The following SLC41A3 variants were observed in gnomAD, a reference collection of about 807,000 sequenced individuals.
The protein encoded by SLC41A3 is SLC41A1-like 2.
A neutral mutation model predicts 45.4 loss-of-function variants in SLC41A3; 44 were observed. That is an observed-to-expected ratio of 0.97 (90% CI 0.76 to 1.25). The LOEUF is 1.25. Ranked by LOEUF, SLC41A3 falls within the 50% of genes most tolerant of loss-of-function variation. The pLI is 0.00. For synonymous variants in SLC41A3, 256 were observed against 252.4 expected (o/e 1.01, Z -0.13); for missense variants, 550 against 600.6 (o/e 0.92, Z 0.88).
intron 3 of SLC41A3, among the ~76,000 whole-genome samples, chr3:126,038,800 A>C (rs1942382529): frequency 6.6e-6 from 1 of 152,178 alleles, no homozygotes; most frequent in African/African-American, 2.4e-5. Flanking sequence ...CCAGGGAAAG[A>C]ATGATCTGGT....
At chr3:126,098,964 A>G (rs1330220961) in intron 1 of SLC41A3, among the ~76,000 whole-genome samples, 17 of 131,996 alleles carry the variant, frequency 1.3e-4, no homozygotes. Flanking sequence ...TTTTGTAGAG[A>G]CGAGGTTTTG....
intron 2 of SLC41A3, among the ~76,000 whole-genome samples, chr3:126,052,434 C>T (rs1016428808): frequency 1.3e-5 from 2 of 152,182 alleles, no homozygotes; most frequent in Admixed American, 1.3e-4. Context: ...AGACCCGGCA[C>T]CTACCAACCC....
chr3:126,080,637 C>T (rs780557741), intron 1 of SLC41A3, among the ~76,000 whole-genome samples: 14 of 152,276 alleles, frequency 9.2e-5, no homozygotes, highest in Non-Finnish European at 1.9e-4. Context: ...CTATGGAGAA[C>T]AGTATGGAAG....
chr3:126,088,027 G>C (rs1945427041), upstream of SLC41A3, among the ~76,000 whole-genome samples: 1 of 152,012 alleles, frequency 6.6e-6, no homozygotes, highest in Admixed American at 6.5e-5. Context: ...CACAAGCTCA[G>C]CTCTTTCTCT....
At chr3:126,048,715 T>C (rs192645262) in intron 3 of SLC41A3, among the ~76,000 whole-genome samples, 16 of 152,074 alleles carry the variant, frequency 1.1e-4, no homozygotes, top group Admixed American at 7.9e-4. Flanking sequence ...AACTAACAGA[T>C]GGAGATTGAA....
chr3:126,007,236 G>A lies in SLC41A3; in HGVS notation c.1255-11C>T. 1.2e-6 allele frequency: 2 copies of A among 1,612,920 alleles called. No individual in the cohort carries two copies. Among genetic ancestry groups the A allele is most frequent in the Non-Finnish European group, 1.7e-6 (2 of 1,179,338 alleles). On this transcript the variant is annotated splice_polypyrimidine_tract_variant and intron_variant, in intron 10 of 10. Coordinates refer to ENST00000360370, the MANE Select transcript of SLC41A3 (RefSeq NM_017836.4). ...CAGCAGGATTGTCACCTGTCAGAAG[G>A]GCAAAGAGACACAAAAGAAGACCAA...
intron 3 of SLC41A3, among the ~76,000 whole-genome samples, chr3:126,050,371 T>C (rs930093171): frequency 4.6e-5 from 7 of 152,090 alleles, no homozygotes; most frequent in African/African-American, 1.2e-4. Context: ...TTCTGTGTAG[T>C]AGAAGGGAAA....
chr3:126,093,253 GA>G (rs1261967389), intron 1 of SLC41A3, among the ~76,000 whole-genome samples: 3 of 152,158 alleles, frequency 2.0e-5, no homozygotes, highest in Admixed American at 2.0e-4. Flanking sequence ...CCAGATAGGG[GA>G]AAAAAGAAAA....
At chr3:126,093,589 A>G (rs1301672856) in intron 1 of SLC41A3, among the ~76,000 whole-genome samples, 1 of 152,262 alleles carries the variant, frequency 6.6e-6, no homozygotes, top group African/African-American at 2.4e-5. Flanking sequence ...TACTTTTAGG[A>G]AGGTCTAGTT....
chr3:126,071,920 G>T (rs1259892290), intron 1 of SLC41A3, among the ~76,000 whole-genome samples: 1 of 151,914 alleles, frequency 6.6e-6, no homozygotes, highest in Admixed American at 6.6e-5. Context: ...ACAGGTGTGT[G>T]CCACCATGCC....
At chr3:126,049,436 G>A (rs1943181184) in intron 3 of SLC41A3, among the ~76,000 whole-genome samples, 1 of 152,154 alleles carries the variant, frequency 6.6e-6, no homozygotes, top group Admixed American at 6.5e-5. Flanking sequence ...GCAGTGAGCT[G>A]AGATCATGCC....
chr3:126,029,528 C>T (rs543476937), intron 4 of SLC41A3, among the ~76,000 whole-genome samples: 1 of 152,322 alleles, frequency 6.6e-6, no homozygotes, highest in East Asian at 1.9e-4. Flanking sequence ...GCCAATTAAA[C>T]TTCTTTTCTT....
intron 4 of SLC41A3, among the ~76,000 whole-genome samples, chr3:126,029,326 G>A (rs763400511): frequency 6.6e-6 from 1 of 151,998 alleles, no homozygotes; most frequent in Non-Finnish European, 1.5e-5. Context: ...TACAATGAGT[G>A]AGTTCTGCTG....
At chr3:126,060,965 G>T (rs1944033509) in intron 2 of SLC41A3, among the ~76,000 whole-genome samples, 1 of 152,212 alleles carries the variant, frequency 6.6e-6, no homozygotes, top group East Asian at 1.9e-4. Context: ...AAGACCACAG[G>T]ATCAGAACGT....
At chr3:126,051,430 G>A (rs1266261016) in intron 2 of SLC41A3, among the ~76,000 whole-genome samples, 3 of 138,740 alleles carry the variant, frequency 2.2e-5, no homozygotes, top group Admixed American at 7.8e-5. Flanking sequence ...CCAGGCTGAG[G>A]AAGGGCCCTG....
intron 1 of SLC41A3, among the ~76,000 whole-genome samples, chr3:126,083,457 T>C (rs1478336887): frequency 6.6e-6 from 1 of 152,184 alleles, no homozygotes; most frequent in African/African-American, 2.4e-5. Context: ...CCACCGGCTC[T>C]CCTGGATGGA....
chr3:126,074,556 C>A (rs62263491), intron 1 of SLC41A3, among the ~76,000 whole-genome samples: 2 of 152,088 alleles, frequency 1.3e-5, no homozygotes, highest in African/African-American at 4.8e-5. Flanking sequence ...GATCCACATA[C>A]ACACAAACTA....
At chr3:126,054,570 G>A (rs1239492952) in intron 2 of SLC41A3, among the ~76,000 whole-genome samples, 7 of 151,898 alleles carry the variant, frequency 4.6e-5, no homozygotes, top group African/African-American at 1.7e-4. Context: ...TTCCACAAAT[G>A]CACACTATCA....
intron 8 of SLC41A3, among the ~76,000 whole-genome samples, chr3:126,013,373 A>G (rs1201930120): frequency 2.0e-5 from 3 of 152,138 alleles, no homozygotes; most frequent in East Asian, 3.9e-4. Flanking sequence ...CAGCCTGACC[A>G]ACATGGTGAA....
Sources: allele counts gnomAD v4.1 joint callset (sites outside exome capture counted in the v4.1 genomes callset), GRCh38; gene constraint gnomAD v4.1.1; transcripts MANE v1.5; gene names NCBI Gene and HGNC (gene_info 2026-07-23, HGNC 2026-07-21).